TAFA5: variants seen among roughly 807,000 people sequenced by gnomAD.
TAFA5 encodes chemokine-like protein TAFA-5.
TAFA5 carries 6 observed loss-of-function variants against 15.3 expected under a neutral mutation model. That is an observed-to-expected ratio of 0.39 (90% CI 0.21 to 0.77). TAFA5 has a LOEUF of 0.77. TAFA5 is among the 30% of genes least tolerant of loss of function. The pLI, the probability that TAFA5 is intolerant of heterozygous loss-of-function variation, is 0.41. For synonymous variants in TAFA5, 103 were observed against 80.7 expected (o/e 1.28, Z -1.48); for missense variants, 161 against 193.1 (o/e 0.83, Z 0.98).
chr22:48,690,990 G>A (rs974172792), intron 2 of TAFA5, among the ~76,000 whole-genome samples: 3 of 152,198 alleles, frequency 2.0e-5, no homozygotes, highest in African/African-American at 7.2e-5. Context: ...AAGCAGCTAG[G>A]TGAGCATCAG....
At chr22:48,590,194 T>C (rs1924512858) in intron 1 of TAFA5, among the ~76,000 whole-genome samples, 1 of 152,054 alleles carries the variant, frequency 6.6e-6, no homozygotes. Flanking sequence ...GCGAGGGCCC[T>C]TGAGTTGGGG....
chr22:48,575,462 G>A (rs1482241760), intron 1 of TAFA5, among the ~76,000 whole-genome samples: 1 of 146,306 alleles, frequency 6.8e-6, no homozygotes, highest in Non-Finnish European at 1.5e-5. Context: ...ACTGCGCCGC[G>A]CTCCCCCTCC....
chr22:48,507,857 G>A (rs112969160), intron 1 of TAFA5, among the ~76,000 whole-genome samples: 104 of 152,290 alleles, frequency 6.8e-4, no homozygotes, highest in African/African-American at 2.3e-3. Context: ...GAGCTCCGTG[G>A]GCCAGGAAGC....
At chr22:48,538,617 C>G (rs965795003) in intron 1 of TAFA5, among the ~76,000 whole-genome samples, 8 of 152,218 alleles carry the variant, frequency 5.3e-5, no homozygotes, top group African/African-American at 1.9e-4. Flanking sequence ...CTGCCGTGCT[C>G]TCTGCTCCGG....
intron 1 of TAFA5, among the ~76,000 whole-genome samples, chr22:48,493,018 C>T (rs537815176): frequency 2.0e-5 from 3 of 152,210 alleles, no homozygotes; most frequent in Admixed American, 6.5e-5. Context: ...GTTCTGTGCC[C>T]GCCGCTGAAG....
intron 1 of TAFA5, among the ~76,000 whole-genome samples, chr22:48,635,525 A>G (rs1926414213): frequency 6.6e-6 from 1 of 152,200 alleles, no homozygotes; most frequent in Admixed American, 6.5e-5. Context: ...GTCACTGCGC[A>G]GCGCATTTCA....
intron 2 of TAFA5, among the ~76,000 whole-genome samples, chr22:48,664,966 C>G (rs1193737229): frequency 6.6e-6 from 1 of 152,148 alleles, no homozygotes; most frequent in African/African-American, 2.4e-5. Context: ...CTTGGAGTGG[C>G]AGGGCTGTGA....
rs1353430944 is a variant in TAFA5 at position 48,750,987 on chromosome 22, G to A, written c.*1140G>A. On this transcript the variant is annotated 3_prime_UTR_variant, in exon 4 of 4. Coordinates refer to ENST00000402357, the MANE Select transcript of TAFA5 (RefSeq NM_001082967.3). ...GGAGGTGGTGCCCCGCGGACCCCGGGGTGCCAGGCACGGAAGGCGGGACTC... is the reference window on the plus strand; with the variant it reads ...GGAGGTGGTGCCCCGCGGACCCCGGAGTGCCAGGCACGGAAGGCGGGACTC... The A allele has an allele frequency of 6.6e-6, 1 of 152,408 alleles. No homozygotes were observed. The highest frequency in any genetic ancestry group is 6.5e-5 in the Admixed American group (1 of 15,290). The allele number at this position is 152,408 out of a possible 1,614,324, so 9.4% of individuals were successfully genotyped here.
chr22:48,528,502 C>T (rs531849606), intron 1 of TAFA5, among the ~76,000 whole-genome samples: 27 of 152,274 alleles, frequency 1.8e-4, no homozygotes, highest in Admixed American at 3.9e-4. Context: ...CACTCCTTCA[C>T]GGGGCCCAGC....
At chr22:48,733,995 G>A (rs1929940188) in intron 3 of TAFA5, among the ~76,000 whole-genome samples, 1 of 152,190 alleles carries the variant, frequency 6.6e-6, no homozygotes, top group Admixed American at 6.5e-5. Flanking sequence ...GGAAAGTGGT[G>A]AATTTGCTGG....
At chr22:48,721,908 C>T (rs762391382) in intron 3 of TAFA5, among the ~76,000 whole-genome samples, 2 of 152,062 alleles carry the variant, frequency 1.3e-5, no homozygotes, top group African/African-American at 2.4e-5. Context: ...ACCTAGGAGG[C>T]GGAGGCTGCA....
rs762516556 is a variant in TAFA5, at chr22:48,552,981, C to T, written c.112+63277C>T. 3.9e-5 allele frequency among the ~76,000 whole-genome samples: 6 copies of T among 152,174 alleles called. No homozygotes were observed. Among genetic ancestry groups the T allele is most frequent in the Non-Finnish European group, 8.8e-5 (6 of 68,022 alleles). On this transcript the variant is annotated intron_variant, in intron 1 of 3. Transcript: ENST00000402357. This position sits in a 1 kb window ranked among gnomAD's most constrained non-coding sequence, Gnocchi z 4.1. ...GGGGGCTCGTCCCCAACCACCTGGT[C>T]ACAGGCAGAGATTGGTCTGCCTACT... is the stretch of plus-strand genomic sequence containing the variant.
intron 1 of TAFA5, among the ~76,000 whole-genome samples, chr22:48,581,070 C>A (rs1335160198): frequency 6.6e-6 from 1 of 152,200 alleles, no homozygotes; most frequent in Admixed American, 6.5e-5. Flanking sequence ...TAAAAATAAC[C>A]AACTCTTTTA....
At chr22:48,576,252 C>A in intron 1 of TAFA5, 2 of 517,704 alleles carry the variant, frequency 3.9e-6, no homozygotes, top group Non-Finnish European at 5.7e-6. Context: ...CGCCCCCGCC[C>A]GCCCCCTCCG....
At chr22:48,673,411 G>C (rs1371333215) in intron 2 of TAFA5, among the ~76,000 whole-genome samples, 1 of 152,122 alleles carries the variant, frequency 6.6e-6, no homozygotes, top group African/African-American at 2.4e-5. Flanking sequence ...TGCCTGTCTC[G>C]TCGCTTTCTG....
chr22:48,580,029 G>A (rs1263395506), intron 1 of TAFA5, among the ~76,000 whole-genome samples: 1 of 152,210 alleles, frequency 6.6e-6, no homozygotes, highest in Non-Finnish European at 1.5e-5. Context: ...CTCTTTTGCA[G>A]GTTAATATTG....
chr22:48,743,995 C>T (rs1476161042), intron 3 of TAFA5, among the ~76,000 whole-genome samples: 3 of 152,286 alleles, frequency 2.0e-5, no homozygotes, highest in Non-Finnish European at 4.4e-5. Context: ...AATTTTTCTG[C>T]GTAGTTTCAG....
At chr22:48,718,228 C>T (rs2147258861) in intron 3 of TAFA5, among the ~76,000 whole-genome samples, 1 of 152,302 alleles carries the variant, frequency 6.6e-6, no homozygotes, top group Admixed American at 6.5e-5. Flanking sequence ...ATGCCCATGG[C>T]CACTTCCTGG....
At chr22:48,702,725 A>G (rs1569086201) in intron 2 of TAFA5, among the ~76,000 whole-genome samples, 1 of 152,224 alleles carries the variant, frequency 6.6e-6, no homozygotes, top group South Asian at 2.1e-4. Context: ...AGCTATTGCA[A>G]CATTGCGACC....
Sources: allele counts gnomAD v4.1 joint callset (sites outside exome capture counted in the v4.1 genomes callset), GRCh38; gene constraint gnomAD v4.1.1; non-coding constraint Gnocchi (gnomAD v3.1); transcripts MANE v1.5; gene names NCBI Gene and HGNC (gene_info 2026-07-23, HGNC 2026-07-21).